The following SYNDIG1L variants were observed in gnomAD, a reference collection of about 807,000 sequenced individuals.
SYNDIG1L encodes synapse differentiation-inducing gene protein 1-like.
SYNDIG1L carries 13 observed loss-of-function variants against 20.1 expected under a neutral mutation model. The ratio of observed to expected loss-of-function variants is 0.65; its 90% confidence interval spans 0.42 to 1.03. The LOEUF (loss-of-function observed/expected upper bound fraction) is 1.03. Among genes scored for constraint, SYNDIG1L ranks in the 50% least tolerant of loss-of-function variants. The probability of loss-of-function intolerance (pLI) is 0.00; values close to 1 mark genes in which losing one functional copy is unlikely to be tolerated. For synonymous variants in SYNDIG1L, 128 were observed against 129.3 expected (o/e 0.99, Z 0.07); for missense variants, 294 against 305.1 (o/e 0.96, Z 0.27).
At chr14:74,466,343 T>G in the SYNDIG1L span, among the ~76,000 whole-genome samples, 1 of 151,772 alleles carries the variant, frequency 6.6e-6, no homozygotes, top group Admixed American at 6.6e-5. Context: ...GTTGGGTGGG[T>G]GGATAGATGG....
chr14:74,440,241 C>T, the SYNDIG1L span, among the ~76,000 whole-genome samples: 3 of 151,306 alleles, frequency 2.0e-5, no homozygotes, highest in South Asian at 2.1e-4. Context: ...TAAGGCCGGG[C>T]GCGGTGGCTC....
intron 1 of SYNDIG1L, among the ~76,000 whole-genome samples, chr14:74,424,455 G>C (rs2139632814): frequency 6.6e-6 from 1 of 152,118 alleles, no homozygotes; most frequent in Non-Finnish European, 1.5e-5. Flanking sequence ...GGGGGACAAA[G>C]AGATGAAAAC....
rs541022818 is a variant in SYNDIG1L, at chr14:74,409,598, G to C, written c.147C>G (p.Ala49=). 2.0e-6 allele frequency: 3 copies of C among 1,509,488 alleles called. No individual in the cohort carries two copies. Among genetic ancestry groups the C allele is most frequent in the Non-Finnish European group, 2.7e-6 (3 of 1,130,802 alleles). 93.5% of individuals were successfully genotyped at this position (1,509,488 alleles called of 1,614,324 possible). The part of the protein sequence containing the change: ...YSYLLGGAGP[A]GAHQLLDPGS... The stretch of plus-strand genomic sequence containing the variant: ...CTGGGTCCAGGAGCTGGTGGGCTCC[G>C]GCAGGCCCAGCGCCACCTAGGAGGT... The change falls in exon 2 of 4, where the codon GCC becomes GCG. Residue 49 remains alanine (A), a synonymous_variant. Coordinates refer to ENST00000331628, the MANE Select transcript of SYNDIG1L (RefSeq NM_001105579.2).
chr14:74,406,191 G>A lies in SYNDIG1L; in HGVS notation c.*1344C>T. On this transcript the variant is annotated 3_prime_UTR_variant, in exon 4 of 4. Transcript: ENST00000331628. ...CTAAAATTCTGGATGTGCCCTAGTGGCTGAGGGTGTTGAGACTGGCACTGA... is the reference window on the plus strand; with the variant it reads ...CTAAAATTCTGGATGTGCCCTAGTGACTGAGGGTGTTGAGACTGGCACTGA... 2.5e-6 allele frequency: 1 copy of A among 398,252 alleles called. No individual in the cohort carries two copies. The highest frequency in any genetic ancestry group is 4.4e-6 in the Non-Finnish European group (1 of 226,148). 24.7% of individuals were successfully genotyped at this position (398,252 alleles called of 1,614,324 possible).
chr14:74,452,635 C>T, the SYNDIG1L span, among the ~76,000 whole-genome samples: 5 of 152,186 alleles, frequency 3.3e-5, no homozygotes, highest in Middle Eastern at 3.2e-3. Flanking sequence ...AGCATGAAAA[C>T]GGACTAATAC....
At chr14:74,439,301 G>C in the SYNDIG1L span, among the ~76,000 whole-genome samples, 1 of 152,038 alleles carries the variant, frequency 6.6e-6, no homozygotes, top group African/African-American at 2.4e-5. Context: ...ACTCTTGAGG[G>C]TCTGGGAGGA....
chr14:74,460,901 T>A, the SYNDIG1L span, among the ~76,000 whole-genome samples: 1 of 152,100 alleles, frequency 6.6e-6, no homozygotes, highest in Non-Finnish European at 1.5e-5. Context: ...CTGCCCGCCT[T>A]GGTGTCCCAA....
rs556477112 is a variant in SYNDIG1L, at chr14:74,424,933, G to A, written c.-58+979C>T. Reference sequence around the variant, plus strand: ...GAAAGAGCTTAGGGAACTAGCTAAAGCCAGTAAATGCCAGCACCCAGCCAG... The same window carrying A: ...GAAAGAGCTTAGGGAACTAGCTAAAACCAGTAAATGCCAGCACCCAGCCAG... On this transcript the variant is annotated intron_variant, in intron 1 of 3. Transcript: ENST00000331628. Among the ~76,000 whole-genome samples the A allele has an allele frequency of 3.9e-5, 6 of 152,256 alleles. No homozygotes were observed. In the East Asian group the frequency reaches 9.6e-4, roughly 24 times the overall value.
the SYNDIG1L span, among the ~76,000 whole-genome samples, chr14:74,435,032 G>A: frequency 7.5e-6 from 1 of 133,956 alleles, no homozygotes; most frequent in South Asian, 2.5e-4. Context: ...GCAGTGAGCC[G>A]AGATCGTGCC....
At chr14:74,433,197 A>T in the SYNDIG1L span, among the ~76,000 whole-genome samples, 1 of 152,244 alleles carries the variant, frequency 6.6e-6, no homozygotes, top group African/African-American at 2.4e-5. Flanking sequence ...TGCATCAGGC[A>T]CACCTAGGTT....
chr14:74,477,041 CA>C, the SYNDIG1L span, among the ~76,000 whole-genome samples: 2 of 15,496 alleles, frequency 1.3e-4, no homozygotes, highest in Non-Finnish European at 2.7e-4. Flanking sequence ...CCATTCCCAA[CA>C]CACACACACA....
chr14:74,422,653 T>TCACACACACACACACACA (rs34711949), intron 1 of SYNDIG1L, among the ~76,000 whole-genome samples: 4,354 of 140,326 alleles, frequency 0.031, 106 homozygotes, highest in East Asian at 0.072. Flanking sequence ...ATCTCTCTCT[T>TCACACACACACACACACA]CACACACACA....
At chr14:74,451,978 T>A in the SYNDIG1L span, among the ~76,000 whole-genome samples, 25 of 108,718 alleles carry the variant, frequency 2.3e-4, no homozygotes, top group Middle Eastern at 5.3e-3. Context: ...TAACAGAGAC[T>A]TTGTCTAAAA....
intron 1 of SYNDIG1L, among the ~76,000 whole-genome samples, chr14:74,420,988 T>C (rs1278014644): frequency 6.6e-6 from 1 of 151,448 alleles, no homozygotes; most frequent in East Asian, 1.9e-4. Context: ...TAAGTATAAA[T>C]GGACAACAAA....
At chr14:74,446,307 G>A in the SYNDIG1L span, among the ~76,000 whole-genome samples, 1 of 152,104 alleles carries the variant, frequency 6.6e-6, no homozygotes, top group South Asian at 2.1e-4. Context: ...TAACTAATGT[G>A]AGATTTCAAT....
chr14:74,441,461 A>C, the SYNDIG1L span, among the ~76,000 whole-genome samples: 1 of 152,124 alleles, frequency 6.6e-6, no homozygotes, highest in Non-Finnish European at 1.5e-5. Context: ...TTGCTGTGTG[A>C]CTTGGATAGA....
chr14:74,462,760 C>T, the SYNDIG1L span, among the ~76,000 whole-genome samples: 2 of 152,168 alleles, frequency 1.3e-5, no homozygotes, highest in Admixed American at 1.3e-4. Context: ...CCCACCTCAG[C>T]CTCCCAAAGT....
chr14:74,467,622 A>C, the SYNDIG1L span, among the ~76,000 whole-genome samples: 1 of 152,174 alleles, frequency 6.6e-6, no homozygotes, highest in African/African-American at 2.4e-5. Flanking sequence ...GCAATAAAAC[A>C]CTGGCAAGCT....
At chr14:74,422,595 T>A (rs965402303) in intron 1 of SYNDIG1L, among the ~76,000 whole-genome samples, 1 of 151,726 alleles carries the variant, frequency 6.6e-6, no homozygotes, top group Non-Finnish European at 1.5e-5. Flanking sequence ...CCATTTTGTG[T>A]GTATCACGCA....
Sources: gnomAD v4.1 joint callset for allele counts (sites outside exome capture counted in the v4.1 genomes callset) on GRCh38, gnomAD v4.1.1 for gene constraint, MANE v1.5 for transcripts, NCBI Gene and HGNC (gene_info 2026-07-23, HGNC 2026-07-21) for gene names.